PNPLA5: variants seen among roughly 807,000 people sequenced by gnomAD.
The protein encoded by PNPLA5 is patatin like domain 5, triacylglycerol lipase.
In PNPLA5, 44 loss-of-function variants were observed where a neutral mutation model predicts 49.1. The observed-to-expected ratio is 0.90, with a 90% CI of 0.70 to 1.15. The LOEUF is 1.15. Ranked by LOEUF, PNPLA5 falls within the 50% of genes most tolerant of loss-of-function variation. PNPLA5 has a pLI of 0.00. For missense variants in PNPLA5, 603 were observed against 564.0 expected (o/e 1.07, Z -0.70); for synonymous variants, 243 against 244.4 (o/e 0.99, Z 0.06).
Position 43,889,345 on chromosome 22 carries a change from A to G in PNPLA5, c.686T>C (p.Ile229Thr), listed in dbSNP as rs1452732634. The change falls in exon 4 of 9, where the codon ATA becomes ACA. Residue 229 changes from isoleucine (I) to threonine (T), a missense_variant. By Grantham distance (89) the Ile-to-Thr change is moderately conservative. Transcript: ENST00000216177. ...CAGACCTACCTCGAGGCTGGGGGGT[A>G]TGAGACATATGAGCCCCAGGAAGAA... Reference protein sequence around the residue: ...ENFFLGLICLIPPSLEVVADN... With the variant: ...ENFFLGLICLTPPSLEVVADN... 6.2e-7 allele frequency: 1 copy of G among 1,613,956 alleles called. No individual in the cohort carries two copies. Among genetic ancestry groups the G allele is most frequent in the Non-Finnish European group, 8.5e-7 (1 of 1,179,994 alleles).
rs769734497 is a variant in PNPLA5 at position 43,889,525 on chromosome 22, C to G, written c.506G>C (p.Gly169Ala). ...PEFRGERYID[G>A]ALSNNLPFAD... ...AAAGGGCAAGTTGTTGCTCAGAGCC[C>G]CATCGATGTAGCGCTGCAATTTGTG... is the stretch of plus-strand genomic sequence containing the variant. The change falls in exon 4 of 9, where the codon GGG becomes GCG. Residue 169 changes from glycine (G) to alanine (A), a missense_variant. Physicochemically the swap from Gly to Ala is moderately conservative, Grantham distance 60 (BLOSUM62 0). Coordinates refer to ENST00000216177, the MANE Select transcript of PNPLA5 (RefSeq NM_138814.4). 4.3e-6 allele frequency: 7 copies of G among 1,610,046 alleles called. No homozygotes were observed. In the African/African-American group the frequency reaches 8.0e-5, roughly 18 times the overall value.
intron 5 of PNPLA5, among the ~76,000 whole-genome samples, chr22:43,887,226 A>G (rs888324869): frequency 1.3e-5 from 2 of 152,080 alleles, no homozygotes; most frequent in Non-Finnish European, 2.9e-5. Context: ...ATAACTAGTC[A>G]AAACCCAGCT....
At chr22:43,883,517 T>G (rs1284038389) in intron 7 of PNPLA5, among the ~76,000 whole-genome samples, 4 of 152,208 alleles carry the variant, frequency 2.6e-5, no homozygotes, top group Non-Finnish European at 5.9e-5. Flanking sequence ...GGGCTTGTTT[T>G]ACAGAAAAGG....
intron 1 of PNPLA5, 147 bp downstream of exon 1, chr22:43,891,541 C>T: frequency 7.9e-7 from 1 of 1,269,802 alleles, no homozygotes; most frequent in South Asian, 1.6e-5. Context: ...ACCTAGTCCC[C>T]AGCACTCGGT....
chr22:43,887,442 C>G (rs1285806953), intron 5 of PNPLA5, 149 bp downstream of exon 5: 12 of 924,734 alleles, frequency 1.3e-5, no homozygotes, highest in Non-Finnish European at 1.8e-5. Context: ...CTCTGAGTCC[C>G]CAGTACTCAG....
rs1451246172 is a variant in PNPLA5 at position 43,891,908 on chromosome 22, G to A, written c.-28C>T. The A allele has an allele frequency of 9.3e-5, 140 of 1,502,342 alleles. No individual in the cohort carries two copies. Among genetic ancestry groups the A allele is most frequent in the Non-Finnish European group, 1.2e-4 (139 of 1,132,686 alleles). The allele number at this position is 1,502,342 out of a possible 1,614,324, so 93.1% of individuals were successfully genotyped here. On this transcript the variant is annotated 5_prime_UTR_variant, in exon 1 of 9. Transcript: ENST00000216177. ...CGGGTGGACCGGGCGGGGTGATCGG[G>A]ACGAGGAAGGGTCACTCCGTGACCC...
chr22:43,891,578 G>A, intron 1 of PNPLA5, 110 bp downstream of exon 1: 1 of 1,371,614 alleles, frequency 7.3e-7, no homozygotes, highest in Non-Finnish European at 9.7e-7. Flanking sequence ...ATGAGGCTGT[G>A]CCGGGGGTAG....
chr22:43,881,056 T>C (rs911852461), intron 8 of PNPLA5, 171 bp from the exon 9 acceptor site: 2 of 941,048 alleles, frequency 2.1e-6, no homozygotes, highest in African/African-American at 1.8e-5. Flanking sequence ...GTCAGGGAGG[T>C]CCTGGGATGG....
chr22:43,886,632 C>T (rs1482483647), intron 5 of PNPLA5, 144 bp from the exon 6 acceptor site: 1 of 1,421,916 alleles, frequency 7.0e-7, no homozygotes, highest in Non-Finnish European at 9.1e-7. Flanking sequence ...CCGGATGACT[C>T]CCTTCTGCCT....
chr22:43,887,896 A>C (rs564757154), intron 4 of PNPLA5, among the ~76,000 whole-genome samples: 1 of 152,150 alleles, frequency 6.6e-6, no homozygotes, highest in African/African-American at 2.4e-5. Flanking sequence ...GGACCATTGC[A>C]TCTCCCCCCT....
intron 5 of PNPLA5, among the ~76,000 whole-genome samples, chr22:43,887,250 C>A (rs984824200): frequency 2.0e-5 from 3 of 152,172 alleles, no homozygotes; most frequent in African/African-American, 7.2e-5. Flanking sequence ...CTGTCACTGC[C>A]TCCAGGAAGC....
chr22:43,880,789 GC>G lies in PNPLA5; in HGVS notation c.*5del. On this transcript the variant is annotated 3_prime_UTR_variant, in exon 9 of 9. Coordinates refer to ENST00000216177, the MANE Select transcript of PNPLA5 (RefSeq NM_138814.4). ...CCAGTCACTGGGCTGGCCCTGCTCG[GC>G]CCCCTCAGGCCTGGTGGGTGGGCCC... 7.5e-7 allele frequency: 1 copy of G among 1,327,002 alleles called. No homozygotes were observed. The allele number at this position is 1,327,002 out of a possible 1,614,324, so 82.2% of individuals were successfully genotyped here. A position where few individuals can be genotyped will look rare whatever the true frequency, so the allele number is the denominator to read the frequency against.
chr22:43,889,239 G>A, intron 4 of PNPLA5, 90 bp downstream of exon 4: 1 of 1,427,718 alleles, frequency 7.0e-7, no homozygotes, highest in Non-Finnish European at 9.6e-7. Flanking sequence ...CAGGCTCGGG[G>A]GGCAGTGGGG....
intron 3 of PNPLA5, 100 bp downstream of exon 3, chr22:43,889,695 CAGTA>C: frequency 6.6e-7 from 1 of 1,520,294 alleles, no homozygotes; most frequent in South Asian, 1.3e-5. Context: ...GCCTGGCACA[CAGTA>C]GGTGCTCAAG....
chr22:43,888,466 A>C (rs1450095096), intron 4 of PNPLA5, among the ~76,000 whole-genome samples: 5 of 112,906 alleles, frequency 4.4e-5, no homozygotes, highest in African/African-American at 7.2e-5. Flanking sequence ...ATGGAGTCTC[A>C]CTCTGTCACC....
intron 6 of PNPLA5, among the ~76,000 whole-genome samples, chr22:43,885,023 T>C (rs2049648243): frequency 6.6e-6 from 1 of 152,226 alleles, no homozygotes; most frequent in South Asian, 2.1e-4. Context: ...GGACGAGTCC[T>C]AGCTTCCTTC....
At chr22:43,884,497 G>T (rs994754921) in intron 6 of PNPLA5, 152 bp from the exon 7 acceptor site, 4 of 1,136,052 alleles carry the variant, frequency 3.5e-6, no homozygotes, top group Non-Finnish European at 4.6e-6. Context: ...CAGGCCAGCA[G>T]GTAGCTCTGC....
intron 1 of PNPLA5, 58 bp downstream of exon 1, chr22:43,891,630 C>G (rs2049724180): frequency 3.4e-6 from 5 of 1,478,648 alleles, no homozygotes; most frequent in Middle Eastern, 1.8e-4. Flanking sequence ...TCTCTGGGCT[C>G]GATCCGCTTT....
chr22:43,891,338 C>T (rs369109248), intron 1 of PNPLA5, 44 bp from the exon 2 acceptor site: 32 of 1,514,790 alleles, frequency 2.1e-5, no homozygotes, highest in Non-Finnish European at 2.6e-5. Flanking sequence ...GCCCAGGGAT[C>T]CTGCCAGTCC....
Sources: gnomAD v4.1 joint callset for allele counts (sites outside exome capture counted in the v4.1 genomes callset) on GRCh38, gnomAD v4.1.1 for gene constraint, MANE v1.5 for transcripts, NCBI Gene and HGNC (gene_info 2026-07-23, HGNC 2026-07-21) for gene names.